The following LPCAT1 variants were observed in gnomAD, a reference collection of about 807,000 sequenced individuals.
LPCAT1 encodes the protein 1-acylglycerol-3-phosphate O-acyltransferase.
In LPCAT1, 23 loss-of-function variants were observed where a neutral mutation model predicts 60.9. That is an observed-to-expected ratio of 0.38 (90% CI 0.27 to 0.53). The LOEUF is 0.53. Among genes scored for constraint, LPCAT1 ranks in the 20% least tolerant of loss-of-function variants. LPCAT1 has a pLI of 0.82. For missense variants in LPCAT1, 622 were observed against 723.6 expected (o/e 0.86, Z 1.61); for synonymous variants, 340 against 301.1 (o/e 1.13, Z -1.34).
intron 13 of LPCAT1, 91 bp downstream of exon 13, chr5:1,466,658 T>C: frequency 7.1e-7 from 1 of 1,401,412 alleles, no homozygotes; most frequent in Non-Finnish European, 9.6e-7. Context: ...GGGACTCCAC[T>C]CCTGTCCTGG....
At chr5:1,473,693 T>C (rs1243658938) in intron 11 of LPCAT1, among the ~76,000 whole-genome samples, 10 of 152,186 alleles carry the variant, frequency 6.6e-5, no homozygotes, top group African/African-American at 2.2e-4. Flanking sequence ...AGTTTGATAT[T>C]GTTAGACTCC....
chr5:1,464,339 G>A (rs1264525841), intron 13 of LPCAT1, among the ~76,000 whole-genome samples: 1 of 152,196 alleles, frequency 6.6e-6, no homozygotes, highest in Non-Finnish European at 1.5e-5. Flanking sequence ...TACTGATGGC[G>A]CCATGGAGGC....
Position 1,481,870 on chromosome 5 carries a change from G to A in LPCAT1, c.727-894C>T, listed in dbSNP as rs950599604. Among the ~76,000 whole-genome samples, 1 of 152,242 alleles carries A rather than the reference G, an allele frequency of 6.6e-6. No individual in the cohort carries two copies. Among genetic ancestry groups the A allele is most frequent in the Non-Finnish European group, 1.5e-5 (1 of 68,036 alleles). On this transcript the variant is annotated intron_variant, in intron 6 of 13. Coordinates refer to ENST00000283415, the MANE Select transcript of LPCAT1 (RefSeq NM_024830.5). The surrounding 1 kb of genome is among the most constrained non-coding windows in gnomAD (Gnocchi z 7.8). Reference sequence around the variant, plus strand: ...CCTGACTCCATTTTATTACCTGACCGTCAGCTCTCCGGGCAAAGTGAAGCC... The same window carrying A: ...CCTGACTCCATTTTATTACCTGACCATCAGCTCTCCGGGCAAAGTGAAGCC...
At chr5:1,494,999 G>A (rs1735732725) in intron 2 of LPCAT1, 85 bp from the exon 3 acceptor site, 2 of 1,283,560 alleles carry the variant, frequency 1.6e-6, no homozygotes, top group South Asian at 2.8e-5. Flanking sequence ...CCACGGGAGA[G>A]CCCTCCAGGG....
chr5:1,488,343 T>G, intron 5 of LPCAT1, 48 bp downstream of exon 5: 11 of 1,212,326 alleles, frequency 9.1e-6, no homozygotes, highest in Non-Finnish European at 1.3e-5. Context: ...CTCTTTAATA[T>G]TTTCCTTTTC....
chr5:1,508,908 G>A (rs772300479), intron 1 of LPCAT1, among the ~76,000 whole-genome samples: 9 of 152,214 alleles, frequency 5.9e-5, no homozygotes, highest in Non-Finnish European at 1.3e-4. Flanking sequence ...AGCATCACCC[G>A]GCGTTTCACA....
chr5:1,477,526 T>G lies in LPCAT1; in HGVS notation c.817-40A>C, dbSNP rs1734970903. On this transcript the variant is annotated intron_variant, in intron 8 of 13. Coordinates refer to ENST00000283415, the MANE Select transcript of LPCAT1 (RefSeq NM_024830.5). The surrounding 1 kb of genome is among the most constrained non-coding windows in gnomAD (Gnocchi z 6.0). ...AAGCTGCGTTAGTATCACAAGACGC[T>G]GACCTCAGCAACACCACTGTAACGA... 7.4e-6 allele frequency: 11 copies of G among 1,480,660 alleles called. No homozygotes were observed. The highest frequency in any genetic ancestry group is 1.4e-5 in the African/African-American group (1 of 71,722). The allele number at this position is 1,480,660 out of a possible 1,614,324, so 91.7% of individuals were successfully genotyped here.
chr5:1,494,414 T>TG (rs35251440), intron 3 of LPCAT1, among the ~76,000 whole-genome samples: 6,586 of 133,050 alleles, frequency 0.05, 356 homozygotes, highest in African/African-American at 0.14. Flanking sequence ...AGCAGCGTGG[T>TG]GGGGGGGGGG....
rs553618950 is a variant in LPCAT1, at chr5:1,463,466, G to T, written c.*185C>A. 1.4e-5 allele frequency: 9 copies of T among 657,810 alleles called. No homozygotes were observed. Among genetic ancestry groups the T allele is most frequent in the African/African-American group, 1.1e-4 (6 of 54,770 alleles). 40.7% of individuals were successfully genotyped at this position (657,810 alleles called of 1,614,324 possible). ...GCCCTCCGATTCTCGCACAGTAAGCGTCGGTTCTGCAACACACTTCACAAA... is the reference window on the plus strand; with the variant it reads ...GCCCTCCGATTCTCGCACAGTAAGCTTCGGTTCTGCAACACACTTCACAAA... On this transcript the variant is annotated 3_prime_UTR_variant, in exon 14 of 14. Transcript: ENST00000283415.
rs1202166918 is a variant in LPCAT1, at chr5:1,463,785, G to A, written c.1471C>T (p.Leu491=). Residue 491 remains leucine, a synonymous_variant, in exon 14 of 14, where the codon CTG becomes TTG. Coordinates refer to ENST00000283415, the MANE Select transcript of LPCAT1 (RefSeq NM_024830.5). ...TCGAAATGTGTCTGATCCGGGTACAGGTATTCCTCTGCGAAGGCAGGGTAC... is the reference window on the plus strand; with the variant it reads ...TCGAAATGTGTCTGATCCGGGTACAAGTATTCCTCTGCGAAGGCAGGGTAC... ...EMYPAFAEEY[L]YPDQTHFESC... is the part of the protein sequence containing the mutation. 5.0e-6 allele frequency: 8 copies of A among 1,614,260 alleles called. No homozygotes were observed. The highest frequency in any genetic ancestry group is 6.8e-6 in the Non-Finnish European group (8 of 1,180,048).
chr5:1,473,636 A>G (rs903585963), intron 11 of LPCAT1, among the ~76,000 whole-genome samples: 1 of 152,200 alleles, frequency 6.6e-6, no homozygotes. Context: ...TCTGGTGAGC[A>G]GGGGACCCTG....
intron 3 of LPCAT1, 33 bp from the exon 4 acceptor site, chr5:1,489,891 A>C: frequency 6.8e-7 from 1 of 1,475,590 alleles, no homozygotes; most frequent in Non-Finnish European, 9.5e-7. Flanking sequence ...GATCACGTGG[A>C]ATGCACGGCT....
At chr5:1,500,820 C>G (rs576260151) in intron 2 of LPCAT1, among the ~76,000 whole-genome samples, 2 of 152,212 alleles carry the variant, frequency 1.3e-5, no homozygotes, top group Non-Finnish European at 2.9e-5. Context: ...ACCTGCCCCC[C>G]GAGCAGCCGT....
chr5:1,480,687 T>C lies in LPCAT1; in HGVS notation c.761+255A>G, dbSNP rs1363370452. On this transcript the variant is annotated intron_variant, in intron 7 of 13. Transcript: ENST00000283415. This position sits in a 1 kb window ranked among gnomAD's most constrained non-coding sequence, Gnocchi z 6.4. ...GATCGTAATTACTGAGCTGGCAAAC[T>C]CGAGAGCCGAATGCAAGACTCACAG... is the stretch of plus-strand genomic sequence containing the variant. Among the ~76,000 whole-genome samples the C allele has an allele frequency of 6.6e-6, 1 of 152,018 alleles. No individual in the cohort carries two copies. Among genetic ancestry groups the C allele is most frequent in the Non-Finnish European group, 1.5e-5 (1 of 68,016 alleles).
At chr5:1,490,726 A>C (rs1385416607) in intron 3 of LPCAT1, among the ~76,000 whole-genome samples, 1 of 152,236 alleles carries the variant, frequency 6.6e-6, no homozygotes, top group Non-Finnish European at 1.5e-5. Flanking sequence ...TGCTCAGCCA[A>C]GGCAACGTGG....
chr5:1,467,908 C>T (rs543727714), intron 12 of LPCAT1, among the ~76,000 whole-genome samples: 3 of 152,286 alleles, frequency 2.0e-5, no homozygotes, highest in Non-Finnish European at 2.9e-5. Flanking sequence ...GTTCCTGGGG[C>T]TCCGACGGGG....
At chr5:1,497,365 G>A (rs940382036) in intron 2 of LPCAT1, among the ~76,000 whole-genome samples, 14 of 152,242 alleles carry the variant, frequency 9.2e-5, no homozygotes, top group African/African-American at 2.9e-4. Flanking sequence ...ACGTCTAAGC[G>A]TGAGGGGCAG....
In LPCAT1 at chr5:1,488,105, C is replaced by A. The variant is rs568374960; in HGVS notation, c.667+286G>T. ...CAAAGGCAGTGAGACCCCTTCTGCACCCAGGACCCTCCAGCCTGGACCTCA... is the reference window on the plus strand; with the variant it reads ...CAAAGGCAGTGAGACCCCTTCTGCAACCAGGACCCTCCAGCCTGGACCTCA... On this transcript the variant is annotated intron_variant, in intron 5 of 13. Transcript: ENST00000283415. Among the ~76,000 whole-genome samples the A allele has an allele frequency of 2.0e-5, 3 of 152,302 alleles. No homozygotes were observed. In the South Asian group the frequency reaches 6.2e-4, roughly 32 times the overall value.
intron 12 of LPCAT1, among the ~76,000 whole-genome samples, chr5:1,468,188 C>T (rs541243454): frequency 5.9e-5 from 9 of 152,326 alleles, no homozygotes; most frequent in African/African-American, 2.2e-4. Context: ...CTGCTCCAGG[C>T]TCTGGAGACC....
Sources: allele counts gnomAD v4.1 joint callset (sites outside exome capture counted in the v4.1 genomes callset), GRCh38; gene constraint gnomAD v4.1.1; non-coding constraint Gnocchi (gnomAD v3.1); transcripts MANE v1.5; gene names NCBI Gene and HGNC (gene_info 2026-07-23, HGNC 2026-07-21).